C3: variants seen among roughly 807,000 people sequenced by gnomAD.
C3 encodes the protein C3 and PZP-like alpha-2-macroglobulin domain-containing protein 1.
In C3, 97 loss-of-function variants were observed where a neutral mutation model predicts 207.9. The ratio of observed to expected loss-of-function variants is 0.47; its 90% CI spans 0.40 to 0.55. C3 has a LOEUF of 0.55. Ranked by LOEUF, C3 falls within the 20% of genes least tolerant of loss-of-function variation. The pLI, the probability that C3 is intolerant of heterozygous loss-of-function variation, is 0.00. For synonymous variants in C3, 848 were observed against 857.6 expected, an observed-to-expected ratio of 0.99 and a Z score of 0.20; for missense variants, 1,684 against 2,171.7, an observed-to-expected ratio of 0.78 and a Z score of 4.46.
chr19:6,702,371 G>A, intron 18 of C3, 100 bp downstream of exon 18: 2 of 1,004,200 alleles, frequency 2.0e-6, no homozygotes, highest in South Asian at 2.6e-5. Context: ...TGGGCTGTGG[G>A]GTTGCACTGT....
intron 19 of C3, among the ~76,000 whole-genome samples, 153 bp downstream of exon 19, chr19:6,701,974 C>T (rs1967683850): frequency 6.6e-6 from 1 of 152,184 alleles, no homozygotes; most frequent in Admixed American, 6.6e-5. Flanking sequence ...ACTAAGGATT[C>T]CCACAGTTCC....
At chr19:6,707,336 C>T (rs1432129902) in intron 16 of C3, 63 bp from the exon 17 acceptor site, 11 of 1,599,262 alleles carry the variant, frequency 6.9e-6, no homozygotes, top group Middle Eastern at 1.7e-4. Context: ...AGGAGGGACG[C>T]GGGACGGACC....
At chr19:6,714,555 CT>C in intron 4 of C3, 109 bp from the exon 5 acceptor site, 2 of 808,800 alleles carry the variant, frequency 2.5e-6, no homozygotes, top group Non-Finnish European at 4.2e-6. Flanking sequence ...TGCACAGTGT[CT>C]ACTGTGGTTA....
intron 23 of C3, among the ~76,000 whole-genome samples, chr19:6,695,268 C>CAAA (rs59296902): frequency 5.6e-5 from 6 of 107,244 alleles, no homozygotes; most frequent in African/African-American, 1.8e-4. Context: ...GACTCCGCCT[C>CAAA]AAAAAAAAAA....
At position 6,718,105 on chromosome 19, in the gene C3, C is replaced by A; in HGVS notation, c.493G>T (p.Val165Phe). The A allele has an allele frequency of 6.2e-7, 1 of 1,614,168 alleles. No individual in the cohort carries two copies. Among genetic ancestry groups the A allele is most frequent in the Non-Finnish European group, 8.5e-7 (1 of 1,180,026 alleles). ...CCTCTGGCTGGCACCTCAATGTTGACCATGACCGTCCGGCCCACGGGTAGC... is the reference window on the plus strand; with the variant it reads ...CCTCTGGCTGGCACCTCAATGTTGAACATGACCGTCCGGCCCACGGGTAGC... ...KLLPVGRTVM[V>F]NIENPEGIPV... The change falls in exon 4 of 41, where the codon GTC becomes TTC. Residue 165 changes from valine to phenylalanine, a missense_variant. Around this residue, in one of 3 missense-constraint regions of C3, gnomAD observed 1,280 missense variants for 1,739.1 expected, o/e 0.74. Coordinates refer to ENST00000245907, the MANE Select transcript of C3 (RefSeq NM_000064.4).
chr19:6,714,859 C>T (rs1198833563), intron 4 of C3, among the ~76,000 whole-genome samples: 2 of 152,030 alleles, frequency 1.3e-5, no homozygotes, highest in Non-Finnish European at 2.9e-5. Context: ...GAGAGTCTGT[C>T]TCGAAAAAAA....
chr19:6,685,280 G>A (rs1224303967), intron 29 of C3, 134 bp from the exon 30 acceptor site: 7 of 802,558 alleles, frequency 8.7e-6, no homozygotes, highest in Non-Finnish European at 1.5e-5. Context: ...GAGTGCAGGG[G>A]TGATAACTGG....
In C3 at chr19:6,684,449, CAG is replaced by C; in HGVS notation, c.4121-12_4121-11del. The C allele has an allele frequency of 1.2e-6, 2 of 1,611,148 alleles. No homozygotes were observed. The highest frequency in any genetic ancestry group is 1.7e-6 in the Non-Finnish European group (2 of 1,177,270). On this transcript the variant is annotated splice_polypyrimidine_tract_variant and intron_variant, in intron 32 of 40. Transcript: ENST00000245907. ...TCCTGAGGCCTCTTTTCTAGAAACA[CAG>C]AAGAGAGAAAGATGGGAGAGGGTAT...
chr19:6,702,748 T>C, intron 17 of C3, 169 bp from the exon 18 acceptor site: 1 of 619,662 alleles, frequency 1.6e-6, no homozygotes, highest in Non-Finnish European at 3.0e-6. Context: ...AATACAAAAA[T>C]TAAGGCTGGG....
At chr19:6,679,993 C>T (rs1263913896) in intron 36 of C3, 165 bp downstream of exon 36, 1 of 653,858 alleles carries the variant, frequency 1.5e-6, no homozygotes, top group Non-Finnish European at 2.8e-6. Flanking sequence ...AGAACCTCAA[C>T]TCATAGATCC....
Position 6,687,323 on chromosome 19 carries a change from T to C in C3, c.3490-421A>G, listed in dbSNP as rs11569533. ...ATAAACTAGTATGCGCCAGATTCAG[T>C]ATACCACTGTGAACACCTCATCCAG... On this transcript the variant is annotated intron_variant, in intron 27 of 40. Coordinates refer to ENST00000245907, the MANE Select transcript of C3 (RefSeq NM_000064.4). Among the ~76,000 whole-genome samples, 511 of 152,316 alleles carry C rather than the reference T, an allele frequency of 3.4e-3. 4 individuals are homozygous for C. The highest frequency in any genetic ancestry group is 0.012 in the African/African-American group (484 of 41,550).
At position 6,693,095 on chromosome 19, in the gene C3, A is replaced by G. The variant is rs1265992999; in HGVS notation, c.3231-12T>C. The G allele has an allele frequency of 2.5e-6, 4 of 1,613,644 alleles. No individual in the cohort carries two copies. The highest frequency in any genetic ancestry group is 2.7e-5 in the African/African-American group (2 of 74,936). Reference sequence around the variant, plus strand: ...CGTAGGCGGTCAGCCTGGAGTGGGCACAGAGCATGAGCCAATCGGCTCTGA... The same window carrying G: ...CGTAGGCGGTCAGCCTGGAGTGGGCGCAGAGCATGAGCCAATCGGCTCTGA... On this transcript the variant is annotated splice_polypyrimidine_tract_variant and intron_variant, in intron 25 of 40. Transcript: ENST00000245907.
In C3 at chr19:6,686,180, C is replaced by T. The variant is rs537300095; in HGVS notation, c.3754G>A (p.Val1252Ile). ...QLKDFDFVPP[V>I]VRWLNEQRYY... ...CTCTGTTCATTGAGCCAACGCACGA[C>T]GGGAGGCACAAAGTCAAAGTCTTTT... Residue 1252 changes from valine to isoleucine, a missense_variant, in exon 29 of 41, where the codon GTC becomes ATC. Coordinates refer to ENST00000245907, the MANE Select transcript of C3 (RefSeq NM_000064.4). 181 of 1,614,158 alleles carry T rather than the reference C, an allele frequency of 1.1e-4. No homozygotes were observed. The South Asian group carries it at 1.7e-3, about 15-fold the overall frequency.
Position 6,680,164 on chromosome 19 carries a change from T to G in C3, c.4450A>C (p.Asn1484His). 6.2e-7 allele frequency: 1 copy of G among 1,603,518 alleles called. No homozygotes were observed. The highest frequency in any genetic ancestry group is 1.1e-5 in the South Asian group (1 of 90,842). ...PGAVKVYAYY[N>H]LEESCTRFYH... ...CCCTAGGTTGGCTGCTCACCCAGGTTGTAATAGGCGTAGACCTTGACTGCT... is the reference window on the plus strand; with the variant it reads ...CCCTAGGTTGGCTGCTCACCCAGGTGGTAATAGGCGTAGACCTTGACTGCT... The change falls in exon 36 of 41, where the codon AAC becomes CAC. Residue 1484 changes from asparagine to histidine, a missense_variant. Physicochemically the swap from Asn to His is moderately conservative, Grantham distance 68. Around this residue, in one of 3 missense-constraint regions of C3, gnomAD observed 346 missense variants for 380.1 expected, o/e 0.91. Coordinates refer to ENST00000245907, the MANE Select transcript of C3 (RefSeq NM_000064.4).
Position 6,713,976 on chromosome 19 carries a change from A to AC in C3, c.773+15dup, listed in dbSNP as rs2145431970. 1 of 1,522,230 alleles carries AC rather than the reference A, an allele frequency of 6.6e-7. No individual in the cohort carries two copies. The allele number at this position is 1,522,230 out of a possible 1,614,324, so 94.3% of individuals were successfully genotyped here. On this transcript the variant is annotated intron_variant, in intron 7 of 40. Transcript: ENST00000245907. ...CCTCACCTGGCTCTTACCTGGCCCC[A>AC]CCCCCAGTCCCTCACCTGGCGGTGA...
intron 10 of C3, 33 bp from the exon 11 acceptor site, chr19:6,712,439 G>A (rs1230277632): frequency 6.2e-7 from 1 of 1,614,202 alleles, no homozygotes; most frequent in Non-Finnish European, 8.5e-7. Flanking sequence ...GGGAAGTTCA[G>A]GCAGGCTCAG....
Position 6,694,461 on chromosome 19 carries a change from G to A in C3, c.3124C>T (p.Arg1042Trp), listed in dbSNP as rs550043629. 1.5e-5 allele frequency: 24 copies of A among 1,614,084 alleles called. No homozygotes were observed. The Admixed American group carries it at 2.8e-4, about 19-fold the overall frequency. The change falls in exon 24 of 41, where the codon CGG becomes TGG. Residue 1042 changes from arginine to tryptophan, a missense_variant. Arg to Trp is a moderately radical substitution (Grantham distance 101, BLOSUM62 -3). This residue lies in a region of C3 where 1,280 missense variants were observed against 1,739.1 expected (regional missense o/e 0.74). Transcript: ENST00000245907. ...EQWEKFGLEK[R>W]QGALELIKKG... is the part of the protein sequence containing the mutation. ...TTGATGAGCTCCAAGGCCCCCTGCC[G>A]CTTCTCTAGGCCGAACTTCTCCCAC... is the stretch of plus-strand genomic sequence containing the variant.
chr19:6,678,782 C>G (rs1444223158), intron 38 of C3, among the ~76,000 whole-genome samples: 6 of 152,114 alleles, frequency 3.9e-5, no homozygotes, highest in African/African-American at 1.4e-4. Flanking sequence ...ACCATAGCCA[C>G]GGAAAACTAC....
rs1291248937 is a variant in C3 at position 6,690,647 on chromosome 19, A to G, written c.3471T>C (p.Ile1157=). 3 of 1,614,164 alleles carry G rather than the reference A, an allele frequency of 1.9e-6. No homozygotes were observed. The highest frequency in any genetic ancestry group is 2.2e-5 in the South Asian group (2 of 91,088). ...CACTTACGTTGACCTGCTCCTCGCA[A>G]ATATCTTTAGCCTCCTGCAGCGAGA... The part of the protein sequence containing the change: ...VLISLQEAKD[I]CEEQVNSLPG... The change falls in exon 27 of 41, where the codon ATT becomes ATC. Residue 1157 remains isoleucine, a synonymous_variant. Transcript: ENST00000245907.
Sources: allele counts gnomAD v4.1 joint callset (sites outside exome capture counted in the v4.1 genomes callset), GRCh38; gene constraint gnomAD v4.1.1; regional missense constraint gnomAD v4.1.1; transcripts MANE v1.5; gene names NCBI Gene and HGNC (gene_info 2026-07-23, HGNC 2026-07-21).